CCDC91: variants seen among roughly 807,000 people sequenced by gnomAD.
CCDC91 encodes coiled-coil domain-containing protein 91.
CCDC91 carries 48 observed loss-of-function variants against 63.2 expected under a neutral mutation model. The ratio of observed to expected loss-of-function variants is 0.76; its 90% CI spans 0.60 to 0.97. The LOEUF (loss-of-function observed/expected upper bound fraction) is 0.97, where lower values mean the gene tolerates loss of function less well. Among genes scored for constraint, CCDC91 ranks in the 50% least tolerant of loss-of-function variants. CCDC91 has a pLI of 0.00. For missense variants in CCDC91, 500 were observed against 494.6 expected (o/e 1.01, Z -0.10); for synonymous variants, 167 against 165.8 (o/e 1.01, Z -0.06).
intron 8 of CCDC91, among the ~76,000 whole-genome samples, chr12:28,395,139 C>A (rs544086657): frequency 5.3e-5 from 8 of 152,230 alleles, no homozygotes; most frequent in African/African-American, 1.7e-4. Context: ...AGAACCTTTA[C>A]TTTTTACAAA....
chr12:28,518,740 A>G (rs1466464682), intron 12 of CCDC91, among the ~76,000 whole-genome samples: 3 of 151,942 alleles, frequency 2.0e-5, no homozygotes, highest in Admixed American at 6.6e-5. Flanking sequence ...GCTAATGTCT[A>G]GAAGGCTTTT....
chr12:28,191,722 ATGATCACC>A (rs1941268371), intron 1 of CCDC91, among the ~76,000 whole-genome samples: 1 of 152,180 alleles, frequency 6.6e-6, no homozygotes, highest in Admixed American at 6.5e-5. Context: ...TCTACACTTA[ATGATCACC>A]TGATTGCCCT....
chr12:28,384,580 A>C (rs1383299244), intron 7 of CCDC91, among the ~76,000 whole-genome samples: 1 of 152,154 alleles, frequency 6.6e-6, no homozygotes, highest in Non-Finnish European at 1.5e-5. Flanking sequence ...GTTTAGGAAA[A>C]TATTTATTGA....
At position 28,510,236 on chromosome 12, in the gene CCDC91, C is replaced by CGTGTGT. The variant is rs567113847; in HGVS notation, c.1215+26071_1215+26072insGTGTGT. 5.9e-5 allele frequency among the ~76,000 whole-genome samples: 8 copies of CGTGTGT among 135,944 alleles called. 1 individual carries two copies. The highest frequency in any genetic ancestry group is 1.2e-4 in the Non-Finnish European group (8 of 66,200). The allele number at this position is 135,944 out of a possible 152,430, so 89.2% of individuals were successfully genotyped here. ...CTCCAGAGAGACAGAGTCAATAGGG[C>CGTGTGT]ATGTGTGTGTGTGTGTGTGTGTAGA... On this transcript the variant is annotated intron_variant, in intron 12 of 12. Coordinates refer to ENST00000536442, the MANE Select transcript of CCDC91 (RefSeq NM_018318.5).
intron 12 of CCDC91, among the ~76,000 whole-genome samples, chr12:28,491,962 GGTGTGTGTGT>G (rs56946212): frequency 1.4e-5 from 2 of 146,786 alleles, no homozygotes; most frequent in African/African-American, 5.0e-5. Flanking sequence ...AAGGTGTTGG[GGTGTGTGTGT>G]GTGTGTGTGT....
At chr12:28,470,675 G>A (rs1477195794) in intron 11 of CCDC91, among the ~76,000 whole-genome samples, 2 of 152,142 alleles carry the variant, frequency 1.3e-5, no homozygotes, top group African/African-American at 4.8e-5. Flanking sequence ...CCAAGATTTG[G>A]AAGCAACTTA....
chr12:28,513,942 T>C (rs1289411976), intron 12 of CCDC91, among the ~76,000 whole-genome samples: 1 of 151,906 alleles, frequency 6.6e-6, no homozygotes, highest in Admixed American at 6.6e-5. Flanking sequence ...TGTGTCTTTA[T>C]GATAGAATGA....
At chr12:28,191,671 T>C (rs1002321022) in intron 1 of CCDC91, among the ~76,000 whole-genome samples, 7 of 152,226 alleles carry the variant, frequency 4.6e-5, no homozygotes, top group African/African-American at 1.7e-4. Context: ...TGACAGGGAC[T>C]GACAACAAAT....
chr12:28,513,629 C>G (rs1939616440), intron 12 of CCDC91, among the ~76,000 whole-genome samples: 1 of 151,848 alleles, frequency 6.6e-6, no homozygotes, highest in Non-Finnish European at 1.5e-5. Flanking sequence ...GCTAATTGTA[C>G]TCATATGCAT....
chr12:28,409,934 T>A (rs1334710033), intron 8 of CCDC91, among the ~76,000 whole-genome samples: 1 of 152,176 alleles, frequency 6.6e-6, no homozygotes, highest in Admixed American at 6.6e-5. Flanking sequence ...TTTTGAGGTT[T>A]CTTTTATGGC....
chr12:28,502,044 G>A (rs1054443231), intron 12 of CCDC91, among the ~76,000 whole-genome samples: 1 of 151,856 alleles, frequency 6.6e-6, no homozygotes, highest in Non-Finnish European at 1.5e-5. Flanking sequence ...TGTGGGATTG[G>A]TGGTGATATC....
intron 11 of CCDC91, among the ~76,000 whole-genome samples, chr12:28,481,168 A>C (rs919172995): frequency 3.3e-5 from 5 of 152,038 alleles, no homozygotes; most frequent in African/African-American, 9.7e-5. Context: ...TTTTAGATAA[A>C]AACATTCCAA....
chr12:28,547,101 A>G (rs1259065564), intron 12 of CCDC91, among the ~76,000 whole-genome samples: 2 of 152,136 alleles, frequency 1.3e-5, no homozygotes, highest in East Asian at 1.9e-4. Context: ...TATAAGGATT[A>G]TAAGATGTGG....
intron 3 of CCDC91, among the ~76,000 whole-genome samples, chr12:28,268,898 C>T (rs1947546121): frequency 6.6e-6 from 1 of 152,134 alleles, no homozygotes; most frequent in African/African-American, 2.4e-5. Flanking sequence ...CACTTCCTCC[C>T]TCCCTTTACC....
rs141720235 is a variant in CCDC91, at chr12:28,436,196, G to A, written c.763-13965G>A. ...TCTTCCACAATTTTCTGCCTTTTGT[G>A]GTGGTTTTATCTGACCATTTTATAT... On this transcript the variant is annotated intron_variant, in intron 8 of 12. Coordinates refer to ENST00000536442, the MANE Select transcript of CCDC91 (RefSeq NM_018318.5). Among the ~76,000 whole-genome samples, 277 of 151,320 alleles carry A rather than the reference G, an allele frequency of 1.8e-3. 3 individuals are homozygous for A. The highest frequency in any genetic ancestry group is 9.7e-3 in the South Asian group (46 of 4,758).
intron 11 of CCDC91, among the ~76,000 whole-genome samples, chr12:28,454,515 G>T (rs1157550900): frequency 6.6e-6 from 1 of 152,130 alleles, no homozygotes; most frequent in African/African-American, 2.4e-5. Context: ...TCCCTCCCTA[G>T]GGAGAGGCTG....
At chr12:28,481,074 A>G (rs1951421068) in intron 11 of CCDC91, among the ~76,000 whole-genome samples, 1 of 152,034 alleles carries the variant, frequency 6.6e-6, no homozygotes, top group Non-Finnish European at 1.5e-5. Flanking sequence ...CCAGTCATTT[A>G]TTTTTAAAAA....
At chr12:28,417,416 C>T (rs1947731855) in intron 8 of CCDC91, among the ~76,000 whole-genome samples, 1 of 152,002 alleles carries the variant, frequency 6.6e-6, no homozygotes, top group African/African-American at 2.4e-5. Context: ...TCTTATTCCC[C>T]ATCCCTGATA....
intron 12 of CCDC91, among the ~76,000 whole-genome samples, chr12:28,489,573 A>G (rs1054902343): frequency 2.0e-5 from 3 of 151,970 alleles, no homozygotes; most frequent in African/African-American, 7.2e-5. Flanking sequence ...CAAATGTAAT[A>G]AAATACTATT....
Sources: allele counts gnomAD v4.1 joint callset (sites outside exome capture counted in the v4.1 genomes callset), GRCh38; gene constraint gnomAD v4.1.1; transcripts MANE v1.5; gene names NCBI Gene and HGNC (gene_info 2026-07-23, HGNC 2026-07-21).